Variants in GHR observed in about 807,000 individuals in gnomAD.
GHR encodes GH receptor.
A neutral mutation model predicts 67.1 loss-of-function variants in GHR; 35 were observed. The ratio of observed to expected loss-of-function variants is 0.52; its 90% confidence interval spans 0.40 to 0.69. GHR has a LOEUF of 0.69. Ranked by LOEUF, GHR falls within the 30% of genes least tolerant of loss-of-function variation. The pLI, the probability that GHR is intolerant of heterozygous loss-of-function variation, is 0.00. For missense variants in GHR, 792 were observed against 764.6 expected, an observed-to-expected ratio of 1.04 and a Z score of -0.42; for synonymous variants, 272 against 269.1, an observed-to-expected ratio of 1.01 and a Z score of -0.10.
chr5:42,426,763 C>A (rs1420444970), intron 1 of GHR, among the ~76,000 whole-genome samples: 3 of 152,028 alleles, frequency 2.0e-5, no homozygotes, highest in Non-Finnish European at 4.4e-5. Flanking sequence ...GTCTTTCTGG[C>A]AAGTAATTTT....
At chr5:42,598,556 T>C (rs1752203306) in intron 2 of GHR, among the ~76,000 whole-genome samples, 1 of 152,216 alleles carries the variant, frequency 6.6e-6, no homozygotes, top group African/African-American at 2.4e-5. Flanking sequence ...GCCAAAACAG[T>C]AGTCTTCATA....
chr5:42,494,371 T>C (rs970668306), intron 1 of GHR, among the ~76,000 whole-genome samples: 1 of 152,094 alleles, frequency 6.6e-6, no homozygotes, highest in African/African-American at 2.4e-5. Context: ...AATGAAGTCC[T>C]AGTAAAACTC....
chr5:42,453,404 G>T lies in GHR; in HGVS notation c.-12+29449G>T, dbSNP rs188379875. ...CAGGCACCAGTTGTGGCTAAGGCAA[G>T]TGGGTAGATGTAATACCCAATGGCG... On this transcript the variant is annotated intron_variant, in intron 1 of 9. Transcript: ENST00000230882. 1.4e-4 allele frequency among the ~76,000 whole-genome samples: 21 copies of T among 152,310 alleles called. No homozygotes were observed. In the East Asian group the frequency reaches 3.9e-3, roughly 28 times the overall value.
rs182710334 is a variant in GHR at position 42,433,586 on chromosome 5, G to A, written c.-12+9631G>A. ...TTCATGGTGTGATTATGGAACAGTC[G>A]ATGACTGTACAACTTAATGAAAAGT... On this transcript the variant is annotated intron_variant, in intron 1 of 9. Transcript: ENST00000230882. Among the ~76,000 whole-genome samples the A allele has an allele frequency of 2.0e-4, 30 of 152,154 alleles. No individual in the cohort carries two copies. In the East Asian group the frequency reaches 2.9e-3, roughly 15 times the overall value.
chr5:42,688,927 A>C lies in GHR; in HGVS notation c.174A>C (p.Ser58=), dbSNP rs750102847. The C allele has an allele frequency of 1.2e-6, 2 of 1,613,694 alleles. No homozygotes were observed. The highest frequency in any genetic ancestry group is 2.7e-5 in the African/African-American group (2 of 74,916). ...SKEPKFTKCR[S]PERETFSCHW... ...AGCCTAAATTCACCAAGTGCCGTTCACCTGAGCGAGAGACTTTTTCATGCC... is the reference window on the plus strand; with the variant it reads ...AGCCTAAATTCACCAAGTGCCGTTCCCCTGAGCGAGAGACTTTTTCATGCC... The change falls in exon 4 of 10, where the codon TCA becomes TCC. Residue 58 remains serine, a synonymous_variant. Coordinates refer to ENST00000230882, the MANE Select transcript of GHR (RefSeq NM_000163.5).
intron 2 of GHR, among the ~76,000 whole-genome samples, chr5:42,569,825 A>G (rs933030187): frequency 6.6e-6 from 1 of 152,188 alleles, no homozygotes; most frequent in Non-Finnish European, 1.5e-5. Flanking sequence ...CATAATTGAC[A>G]TCACTCAAAT....
chr5:42,551,653 C>T (rs772545326), intron 1 of GHR, among the ~76,000 whole-genome samples: 13 of 152,136 alleles, frequency 8.5e-5, no homozygotes, highest in Admixed American at 3.3e-4. Context: ...AATGAATCTG[C>T]ATGCTCATAA....
At chr5:42,448,545 T>G (rs1386994173) in intron 1 of GHR, among the ~76,000 whole-genome samples, 2 of 150,454 alleles carry the variant, frequency 1.3e-5, no homozygotes. Context: ...TGCGAAGATT[T>G]TCTCCCAATC....
intron 3 of GHR, among the ~76,000 whole-genome samples, chr5:42,653,804 CT>C (rs150706583): frequency 2.6e-5 from 4 of 152,250 alleles, no homozygotes; most frequent in Admixed American, 6.5e-5. Context: ...CTGCTTGTCG[CT>C]GTTGATGATC....
At chr5:42,493,914 A>C (rs1746216794) in intron 1 of GHR, among the ~76,000 whole-genome samples, 1 of 152,164 alleles carries the variant, frequency 6.6e-6, no homozygotes, top group Non-Finnish European at 1.5e-5. Context: ...CAACTAATAC[A>C]GTTTTATATA....
At chr5:42,452,530 CATTT>C (rs1744092818) in intron 1 of GHR, among the ~76,000 whole-genome samples, 1 of 152,044 alleles carries the variant, frequency 6.6e-6, no homozygotes, top group South Asian at 2.1e-4. Context: ...TCAGGAACAC[CATTT>C]ATTCTTAGGT....
intron 1 of GHR, chr5:42,466,899 A>G (rs1744755768): frequency 6.8e-7 from 1 of 1,480,508 alleles, no homozygotes; most frequent in Non-Finnish European, 9.0e-7. Context: ...GTTCAACAAG[A>G]TGGGTTCTGT....
chr5:42,474,257 C>CAGAAAGAAAGAA (rs202146050), intron 1 of GHR, among the ~76,000 whole-genome samples: 1,003 of 87,928 alleles, frequency 0.011, 21 homozygotes, highest in African/African-American at 0.015. Flanking sequence ...GAAAGACAGA[C>CAGAAAGAAAGAA]AGAAAGAAAG....
chr5:42,514,326 C>A, intron 1 of GHR: 1 of 957,284 alleles, frequency 1.0e-6, no homozygotes, highest in South Asian at 4.8e-5. Context: ...ACACTTCACC[C>A]CTTGTTGAGA....
intron 8 of GHR, among the ~76,000 whole-genome samples, chr5:42,717,134 G>C (rs1758760928): frequency 6.6e-6 from 1 of 152,048 alleles, no homozygotes; most frequent in Non-Finnish European, 1.5e-5. Context: ...ACTAGAGCAA[G>C]ACTCCATTAC....
chr5:42,468,151 C>G, intron 1 of GHR: 2 of 1,299,712 alleles, frequency 1.5e-6, no homozygotes, highest in South Asian at 2.4e-5. Context: ...CTCTTCTGAT[C>G]CATCAAGGCC....
intron 2 of GHR, among the ~76,000 whole-genome samples, chr5:42,592,730 G>A (rs956258728): frequency 5.3e-5 from 8 of 152,144 alleles, no homozygotes; most frequent in African/African-American, 1.9e-4. Context: ...ACATACGTGT[G>A]TGTGTGTCTT....
At chr5:42,506,561 G>T (rs1307104813) in intron 1 of GHR, among the ~76,000 whole-genome samples, 6 of 152,054 alleles carry the variant, frequency 3.9e-5, no homozygotes, top group Non-Finnish European at 7.4e-5. Context: ...TCTGTCTCTA[G>T]AATCAATGAT....
chr5:42,719,355 G>T lies in GHR; in HGVS notation c.1848G>T (p.Leu616Phe). 1 of 1,614,036 alleles carries T rather than the reference G, an allele frequency of 6.2e-7. No individual in the cohort carries two copies. The highest frequency in any genetic ancestry group is 8.5e-7 in the Non-Finnish European group (1 of 1,179,920). ...TACTCAATGCGACTGCCTTGCCCTTGCCTGACAAAGAGTTTCTCTCATCAT... is the reference window on the plus strand; with the variant it reads ...TACTCAATGCGACTGCCTTGCCCTTTCCTGACAAAGAGTTTCTCTCATCAT... The part of the protein sequence containing the change: ...GLILNATALP[L>F]PDKEFLSSCG... Residue 616 changes from leucine (L) to phenylalanine (F), a missense_variant, in exon 10 of 10, where the codon TTG becomes TTT. Transcript: ENST00000230882.
Sources: allele counts gnomAD v4.1 joint callset (sites outside exome capture counted in the v4.1 genomes callset), GRCh38; gene constraint gnomAD v4.1.1; transcripts MANE v1.5; gene names NCBI Gene and HGNC (gene_info 2026-07-23, HGNC 2026-07-21).